SLC24A3: variants seen among roughly 807,000 people sequenced by gnomAD.
SLC24A3 encodes solute carrier family 24 member 3.
A neutral mutation model predicts 75.8 loss-of-function variants in SLC24A3; 28 were observed. The ratio of observed to expected loss-of-function variants is 0.37; its 90% CI spans 0.27 to 0.51. The LOEUF is 0.51. Ranked by LOEUF, SLC24A3 falls within the 20% of genes least tolerant of loss-of-function variation. SLC24A3 has a pLI of 0.94. For missense variants in SLC24A3, 663 were observed against 847.8 expected (o/e 0.78, Z 2.71); for synonymous variants, 372 against 334.1 (o/e 1.11, Z -1.24).
At position 19,273,780 on chromosome 20, in the gene SLC24A3, T is replaced by C. The variant is rs149342884; in HGVS notation, c.143-7179T>C. ...TCTGTTTAAATCCTCTTCCATGAGC[T>C]GTCTCCACAGCCTGTCCAATGGGCA... On this transcript the variant is annotated intron_variant, in intron 1 of 16. Coordinates refer to ENST00000328041, the MANE Select transcript of SLC24A3 (RefSeq NM_020689.4). Among the ~76,000 whole-genome samples the C allele has an allele frequency of 5.3e-3, 802 of 152,032 alleles. 7 individuals are homozygous for C. Among genetic ancestry groups the C allele is most frequent in the Middle Eastern group, 6.8e-3 (2 of 294 alleles).
At chr20:19,451,218 C>A (rs1047310986) in intron 2 of SLC24A3, among the ~76,000 whole-genome samples, 5 of 152,216 alleles carry the variant, frequency 3.3e-5, no homozygotes, top group African/African-American at 1.2e-4. Context: ...ATTCCTTCCT[C>A]CAGCTTGGCT....
At chr20:19,578,117 A>G (rs2031167296) in intron 3 of SLC24A3, among the ~76,000 whole-genome samples, 1 of 152,250 alleles carries the variant, frequency 6.6e-6, no homozygotes, top group Non-Finnish European at 1.5e-5. Flanking sequence ...TTGGGTTGCC[A>G]CAGAGGCTTC....
At chr20:19,560,688 C>A (rs1039612587) in intron 3 of SLC24A3, among the ~76,000 whole-genome samples, 2 of 152,134 alleles carry the variant, frequency 1.3e-5, no homozygotes, top group African/African-American at 4.8e-5. Flanking sequence ...AGAATAGGGA[C>A]CTTCGGTGTC....
intron 3 of SLC24A3, among the ~76,000 whole-genome samples, chr20:19,542,478 T>A (rs2030517635): frequency 6.6e-6 from 1 of 152,170 alleles, no homozygotes; most frequent in Admixed American, 6.5e-5. Flanking sequence ...CAAGGTTTAT[T>A]TTCTTCCTGC....
At chr20:19,267,168 A>G (rs6106052) in intron 1 of SLC24A3, among the ~76,000 whole-genome samples, 162 of 152,340 alleles carry the variant, frequency 1.1e-3, no homozygotes, top group African/African-American at 3.7e-3. Context: ...TTGAGAAAAC[A>G]TGATAGAATA....
chr20:19,506,551 A>G (rs537511284), intron 2 of SLC24A3, among the ~76,000 whole-genome samples: 2 of 152,358 alleles, frequency 1.3e-5, no homozygotes, highest in African/African-American at 2.4e-5. Flanking sequence ...GTGAACTTGG[A>G]CTGGTTACTT....
intron 1 of SLC24A3, among the ~76,000 whole-genome samples, chr20:19,262,277 C>T (rs557764033): frequency 2.0e-5 from 3 of 151,406 alleles, no homozygotes; most frequent in East Asian, 1.9e-4. Flanking sequence ...TGGTGGCGGG[C>T]GCCTGTAGTC....
intron 2 of SLC24A3, among the ~76,000 whole-genome samples, chr20:19,440,396 T>C (rs1987277498): frequency 6.6e-6 from 1 of 152,232 alleles, no homozygotes. Context: ...CAGAGATCTC[T>C]TTTGTCTCTG....
At chr20:19,363,914 T>C (rs1389974229) in intron 2 of SLC24A3, among the ~76,000 whole-genome samples, 2 of 152,144 alleles carry the variant, frequency 1.3e-5, no homozygotes, top group African/African-American at 4.8e-5. Context: ...GCAATGAGGC[T>C]GAGTGTCTGT....
chr20:19,695,199 C>G (rs7270714), intron 13 of SLC24A3, among the ~76,000 whole-genome samples: 4,634 of 152,228 alleles, frequency 0.03, 246 homozygotes, highest in African/African-American at 0.11. Flanking sequence ...AGGGAAGGAG[C>G]GATTGTGGCC....
chr20:19,721,359 G>A lies in SLC24A3; in HGVS notation c.*219G>A, dbSNP rs1377163689. On this transcript the variant is annotated 3_prime_UTR_variant, in exon 17 of 17. Transcript: ENST00000328041. ...CCACCCACCCTTTCCTGCCTCCTCC[G>A]TGTGAAGACATCCAACATCCACGTG... 26 of 507,106 alleles carry A rather than the reference G, an allele frequency of 5.1e-5. No homozygotes were observed. The highest frequency in any genetic ancestry group is 2.3e-4 in the East Asian group (7 of 30,834). The allele number at this position is 507,106 out of a possible 1,614,324, so 31.4% of individuals were successfully genotyped here.
intron 2 of SLC24A3, among the ~76,000 whole-genome samples, chr20:19,455,804 CCT>C (rs1987568553): frequency 6.6e-6 from 1 of 152,202 alleles, no homozygotes. Context: ...TTCACAGTCG[CCT>C]TCTGGGGGAA....
At chr20:19,325,791 T>TAGAGAGAG (rs1479182142) in intron 2 of SLC24A3, among the ~76,000 whole-genome samples, 1 of 89,428 alleles carries the variant, frequency 1.1e-5, no homozygotes, top group Non-Finnish European at 2.2e-5. Context: ...TATATATATA[T>TAGAGAGAG]ATATAGAGAG....
intron 2 of SLC24A3, among the ~76,000 whole-genome samples, chr20:19,501,404 T>C (rs527536256): frequency 1.3e-5 from 2 of 152,348 alleles, no homozygotes; most frequent in South Asian, 4.1e-4. Context: ...TTCCTCTTCA[T>C]AAAGCTTCAC....
intron 2 of SLC24A3, among the ~76,000 whole-genome samples, chr20:19,501,111 A>C (rs1214922460): frequency 2.0e-5 from 3 of 152,166 alleles, no homozygotes; most frequent in Non-Finnish European, 4.4e-5. Context: ...CAATGACACA[A>C]ACTCATAGGT....
At chr20:19,492,598 G>C (rs1272364545) in intron 2 of SLC24A3, among the ~76,000 whole-genome samples, 1 of 152,082 alleles carries the variant, frequency 6.6e-6, no homozygotes, top group Non-Finnish European at 1.5e-5. Context: ...CTGAGGCCAG[G>C]GATCCAGTGC....
At chr20:19,513,490 C>G (rs535900505) in intron 2 of SLC24A3, among the ~76,000 whole-genome samples, 77 of 152,314 alleles carry the variant, frequency 5.1e-4, no homozygotes, top group African/African-American at 1.6e-3. Context: ...TCCCTCTGCC[C>G]CTCACATTAA....
chr20:19,326,250 A>G (rs1292163637), intron 2 of SLC24A3, among the ~76,000 whole-genome samples: 2 of 152,088 alleles, frequency 1.3e-5, no homozygotes, highest in African/African-American at 4.8e-5. Context: ...AGCCAAGAGC[A>G]GATGGTGAAG....
intron 3 of SLC24A3, among the ~76,000 whole-genome samples, chr20:19,552,137 T>C (rs2030706932): frequency 6.6e-6 from 1 of 152,206 alleles, no homozygotes; most frequent in African/African-American, 2.4e-5. Flanking sequence ...TTCCTAGAAG[T>C]ATTTCTGTCC....
Sources: allele counts gnomAD v4.1 joint callset (sites outside exome capture counted in the v4.1 genomes callset), GRCh38; gene constraint gnomAD v4.1.1; transcripts MANE v1.5; gene names NCBI Gene and HGNC (gene_info 2026-07-23, HGNC 2026-07-21).